Variants in PCSK2 observed in about 807,000 individuals in gnomAD.
The protein encoded by PCSK2 is neuroendocrine convertase 2.
Under a neutral mutation model 69.7 loss-of-function variants are expected in PCSK2, and 14 were observed. The observed-to-expected ratio is 0.20, with a 90% confidence interval of 0.13 to 0.31. The LOEUF is 0.31. PCSK2 is among the 10% of genes least tolerant of loss of function. PCSK2 has a pLI of 1.00. For missense variants in PCSK2, 544 were observed against 842.5 expected (o/e 0.65, Z 4.39); for synonymous variants, 307 against 320.7 (o/e 0.96, Z 0.46).
chr20:17,310,251 C>T (rs1447904691), intron 2 of PCSK2, among the ~76,000 whole-genome samples: 1 of 152,132 alleles, frequency 6.6e-6, no homozygotes, highest in African/African-American at 2.4e-5. Context: ...TTTGCTGATA[C>T]CTAATTGGCT....
At chr20:17,299,817 A>G (rs1169753044) in intron 2 of PCSK2, among the ~76,000 whole-genome samples, 1 of 152,150 alleles carries the variant, frequency 6.6e-6, no homozygotes, top group Non-Finnish European at 1.5e-5. Flanking sequence ...ATATCAAATC[A>G]TTTCATTTTG....
chr20:17,309,728 G>A (rs1412424566), intron 2 of PCSK2, among the ~76,000 whole-genome samples: 1 of 152,134 alleles, frequency 6.6e-6, no homozygotes, highest in Non-Finnish European at 1.5e-5. Flanking sequence ...TGAGGCAGGA[G>A]CATCACTTGA....
chr20:17,407,857 G>A lies in PCSK2; in HGVS notation c.544-1406G>A, dbSNP rs373950496. Among the ~76,000 whole-genome samples the A allele has an allele frequency of 2.6e-5, 4 of 152,206 alleles. No homozygotes were observed. The East Asian group carries it at 7.7e-4, about 29-fold the overall frequency. On this transcript the variant is annotated intron_variant, in intron 5 of 11. Transcript: ENST00000262545. ...AAGGATCAACATGCTTAAGACTCCAGGCAAATTACTGGGCCAAATTTCAGG... is the reference window on the plus strand; with the variant it reads ...AAGGATCAACATGCTTAAGACTCCAAGCAAATTACTGGGCCAAATTTCAGG...
chr20:17,452,114 A>G (rs1260912082), intron 8 of PCSK2, among the ~76,000 whole-genome samples: 5 of 151,898 alleles, frequency 3.3e-5, no homozygotes, highest in African/African-American at 1.2e-4. Flanking sequence ...TCCCGACCCC[A>G]GGTGATTCAC....
chr20:17,262,027 T>C (rs1987407039), intron 2 of PCSK2, among the ~76,000 whole-genome samples: 1 of 152,230 alleles, frequency 6.6e-6, no homozygotes, highest in Non-Finnish European at 1.5e-5. Context: ...TCAGAGAGAC[T>C]ATTTAGCACC....
At chr20:17,370,391 G>A (rs916751673) in intron 5 of PCSK2, among the ~76,000 whole-genome samples, 4 of 152,216 alleles carry the variant, frequency 2.6e-5, no homozygotes, top group Admixed American at 2.6e-4. Context: ...TGGGCAACAA[G>A]AAACAAGGCA....
At chr20:17,402,893 C>T (rs537519666) in intron 5 of PCSK2, among the ~76,000 whole-genome samples, 1 of 151,632 alleles carries the variant, frequency 6.6e-6, no homozygotes, top group African/African-American at 2.4e-5. Flanking sequence ...GGAGGCGGAG[C>T]TTGCAGTGAG....
chr20:17,297,996 C>G (rs1988954266), intron 2 of PCSK2, among the ~76,000 whole-genome samples: 1 of 152,176 alleles, frequency 6.6e-6, no homozygotes, highest in Non-Finnish European at 1.5e-5. Context: ...TAGACTAGCT[C>G]CTTTTTCCGC....
intron 5 of PCSK2, among the ~76,000 whole-genome samples, chr20:17,384,171 A>C (rs1389816772): frequency 5.3e-5 from 8 of 152,238 alleles, no homozygotes. Flanking sequence ...CAGGATTAAC[A>C]CAGCAAAAAT....
chr20:17,400,655 A>G (rs888662581), intron 5 of PCSK2, among the ~76,000 whole-genome samples: 2 of 152,050 alleles, frequency 1.3e-5, no homozygotes. Context: ...CCTAGACCCC[A>G]CGCCTCTCCC....
intron 2 of PCSK2, among the ~76,000 whole-genome samples, chr20:17,333,983 G>GTTCAA (rs1246454461): frequency 7.0e-6 from 1 of 142,146 alleles, no homozygotes; most frequent in Admixed American, 7.4e-5. Flanking sequence ...TTCACAACAT[G>GTTCAA]TTCAATTCAT....
chr20:17,453,332 CT>C lies in PCSK2; in HGVS notation c.886-409del, dbSNP rs2032860565. On this transcript the variant is annotated intron_variant, in intron 8 of 11. Transcript: ENST00000262545. This position sits in a 1 kb window ranked among gnomAD's most constrained non-coding sequence, Gnocchi z 4.0. ...TACTTGCATTTTCACTAAAAAATGT[CT>C]GATACATAAAGAGATGTAAGAATGA... Among the ~76,000 whole-genome samples, 1 of 152,048 alleles carries C rather than the reference CT, an allele frequency of 6.6e-6. No individual in the cohort carries two copies. Among genetic ancestry groups the C allele is most frequent in the African/African-American group, 2.4e-5 (1 of 41,382 alleles).
intron 7 of PCSK2, among the ~76,000 whole-genome samples, 161 bp downstream of exon 7, chr20:17,429,684 A>G (rs1246580384): frequency 1.3e-5 from 2 of 152,240 alleles, no homozygotes; most frequent in African/African-American, 4.8e-5. Context: ...TAACAATATC[A>G]ATAGTTTTAA....
At chr20:17,449,526 G>GTATATAGATATA (rs2032769837) in intron 8 of PCSK2, among the ~76,000 whole-genome samples, 1 of 130,690 alleles carries the variant, frequency 7.7e-6, no homozygotes, top group African/African-American at 3.0e-5. Flanking sequence ...ATGTATGTAT[G>GTATATAGATATA]TATATATATA....
chr20:17,453,618 T>C lies in PCSK2; in HGVS notation c.886-124T>C. Reference sequence around the variant, plus strand: ...GAAGGATATGGTGTCCAACCCAGTTTAAAAAGTGCACCCAGTCTTTAGGTT... The same window carrying C: ...GAAGGATATGGTGTCCAACCCAGTTCAAAAAGTGCACCCAGTCTTTAGGTT... On this transcript the variant is annotated intron_variant, in intron 8 of 11. Coordinates refer to ENST00000262545, the MANE Select transcript of PCSK2 (RefSeq NM_002594.5). This position sits in a 1 kb window ranked among gnomAD's most constrained non-coding sequence, Gnocchi z 4.0. 1 of 969,864 alleles carries C rather than the reference T, an allele frequency of 1.0e-6. No homozygotes were observed. Among genetic ancestry groups the C allele is most frequent in the Non-Finnish European group, 1.5e-6 (1 of 661,150 alleles). 60.1% of individuals were successfully genotyped at this position (969,864 alleles called of 1,614,324 possible). A position where few individuals can be genotyped will look rare whatever the true frequency, so the allele number is the denominator to read the frequency against.
Position 17,471,032 on chromosome 20 carries a change from T to C in PCSK2, c.1430+5479T>C, listed in dbSNP as rs181684668. ...AGCTACGTGTCAATACCAGGCTATATTTTCTGAGATTGCACTGGACAAGCC... is the reference window on the plus strand; with the variant it reads ...AGCTACGTGTCAATACCAGGCTATACTTTCTGAGATTGCACTGGACAAGCC... On this transcript the variant is annotated intron_variant, in intron 11 of 11. Coordinates refer to ENST00000262545, the MANE Select transcript of PCSK2 (RefSeq NM_002594.5). 1.2e-4 allele frequency among the ~76,000 whole-genome samples: 18 copies of C among 152,282 alleles called. No homozygotes were observed. The East Asian group carries it at 3.5e-3, about 29-fold the overall frequency.
At chr20:17,334,061 T>C (rs574857320) in intron 2 of PCSK2, among the ~76,000 whole-genome samples, 1 of 151,924 alleles carries the variant, frequency 6.6e-6, no homozygotes, top group South Asian at 2.1e-4. Flanking sequence ...CTTGCCCAAG[T>C]AACACAGCTT....
At chr20:17,445,228 G>T (rs2123366358) in intron 8 of PCSK2, among the ~76,000 whole-genome samples, 1 of 152,272 alleles carries the variant, frequency 6.6e-6, no homozygotes, top group Middle Eastern at 3.4e-3. Flanking sequence ...AACCAGAAGG[G>T]GAATTCGGGT....
rs1555795286 is a variant in PCSK2 at position 17,433,812 on chromosome 20, TCC to T, written c.710-2891_710-2890del. On this transcript the variant is annotated intron_variant, in intron 7 of 11. Coordinates refer to ENST00000262545, the MANE Select transcript of PCSK2 (RefSeq NM_002594.5). ...CTCTCTCTCTCTCTCTCTCTCTCTC[TCC>T]CCCCACTTCCTTCCCTCCTCCTCCT... is the stretch of plus-strand genomic sequence containing the variant. 1.1e-4 allele frequency among the ~76,000 whole-genome samples: 11 copies of T among 104,130 alleles called. No individual in the cohort carries two copies. The East Asian group carries it at 2.7e-3, about 25-fold the overall frequency. 68.3% of individuals were successfully genotyped at this position (104,130 alleles called of 152,430 possible).
Sources: gnomAD v4.1 joint callset for allele counts (sites outside exome capture counted in the v4.1 genomes callset) on GRCh38, gnomAD v4.1.1 for gene constraint, Gnocchi (gnomAD v3.1) non-coding constraint, MANE v1.5 for transcripts, NCBI Gene and HGNC (gene_info 2026-07-23, HGNC 2026-07-21) for gene names.